Variants in EML6 observed in about 807,000 individuals in gnomAD.
EML6 encodes the protein echinoderm microtubule-associated protein-like 6.
A neutral mutation model predicts 240.1 loss-of-function variants in EML6; 154 were observed. That is an observed-to-expected ratio of 0.64 (90% confidence interval 0.56 to 0.73). The LOEUF is 0.73. Ranked by LOEUF, EML6 falls within the 30% of genes least tolerant of loss-of-function variation. The probability of loss-of-function intolerance (pLI) is 0.00; values close to 1 mark genes in which losing one functional copy is unlikely to be tolerated. For missense variants in EML6, 2,964 were observed against 2,474.6 expected (o/e 1.20, Z -4.20); for synonymous variants, 1,148 against 899.0 (o/e 1.28, Z -4.95).
intron 2 of EML6, among the ~76,000 whole-genome samples, chr2:54,808,008 C>T (rs1027017542): frequency 6.6e-6 from 1 of 152,234 alleles, no homozygotes; most frequent in African/African-American, 2.4e-5. Flanking sequence ...CACCACTCAT[C>T]AAGCTTGTTA....
intron 30 of EML6, 51 bp from the exon 31 acceptor site, chr2:54,952,543 A>T: frequency 7.9e-7 from 1 of 1,262,680 alleles, no homozygotes. Context: ...AAGTTGCCCT[A>T]AAAGGTCTTT....
Position 54,891,040 on chromosome 2 carries a change from T to C in EML6, c.2439-14T>C, listed in dbSNP as rs1263859497. ...ATCCAAACTAGAATCTTATTTCCTA[T>C]TTGTCTCTTACAGAGGACATAAAGA... On this transcript the variant is annotated splice_polypyrimidine_tract_variant and intron_variant, in intron 17 of 41. Coordinates refer to ENST00000356458, the MANE Select transcript of EML6 (RefSeq NM_001039753.4). 2.4e-6 allele frequency: 3 copies of C among 1,274,424 alleles called. No homozygotes were observed. The highest frequency in any genetic ancestry group is 3.3e-6 in the Non-Finnish European group (3 of 923,030). The allele number at this position is 1,274,424 out of a possible 1,614,324, so 78.9% of individuals were successfully genotyped here.
At chr2:54,909,018 C>G (rs1673498195) in intron 24 of EML6, among the ~76,000 whole-genome samples, 4 of 152,192 alleles carry the variant, frequency 2.6e-5, no homozygotes, top group Admixed American at 2.6e-4. Context: ...TCATAAATTA[C>G]TTCACTGAGA....
intron 6 of EML6, 75 bp from the exon 7 acceptor site, chr2:54,829,267 A>G (rs1668745479): frequency 7.2e-7 from 1 of 1,389,340 alleles, no homozygotes; most frequent in Admixed American, 2.5e-5. Flanking sequence ...ATGTTTTTAA[A>G]TCAACATTCA....
At chr2:54,936,760 A>G (rs575519384) in intron 28 of EML6, among the ~76,000 whole-genome samples, 10 of 152,316 alleles carry the variant, frequency 6.6e-5, no homozygotes, top group Non-Finnish European at 7.3e-5. Flanking sequence ...CATTATTTTT[A>G]TAACATTATT....
intron 35 of EML6, 50 bp downstream of exon 35, chr2:54,960,384 T>C: frequency 7.3e-7 from 1 of 1,368,906 alleles, no homozygotes; most frequent in South Asian, 1.2e-5. Flanking sequence ...GGGGGAAGTG[T>C]AGGTACCCTC....
At chr2:54,856,335 G>A (rs927362243) in intron 11 of EML6, among the ~76,000 whole-genome samples, 8 of 152,130 alleles carry the variant, frequency 5.3e-5, no homozygotes, top group African/African-American at 1.2e-4. Context: ...GCCTTGGTAC[G>A]CACCCCTACT....
Position 54,763,921 on chromosome 2 carries a change from G to C in EML6, c.197+38663G>C, listed in dbSNP as rs539333494. Among the ~76,000 whole-genome samples, 256 of 152,280 alleles carry C rather than the reference G, an allele frequency of 1.7e-3. 1 individual carries two copies. The highest frequency in any genetic ancestry group is 2.7e-3 in the Non-Finnish European group (184 of 68,026). ...AGGTTCAAGATCTCCAGCCCTGAAG[G>C]CCTCTCCAAACTCCGTTGGTTGTTC... On this transcript the variant is annotated intron_variant, in intron 2 of 41. Transcript: ENST00000356458.
At chr2:54,904,843 T>C (rs1222618808) in intron 24 of EML6, among the ~76,000 whole-genome samples, 1 of 152,100 alleles carries the variant, frequency 6.6e-6, no homozygotes, top group African/African-American at 2.4e-5. Context: ...GCCAAAAAGG[T>C]TATTTCAGAG....
rs117239151 is a variant in EML6 at position 54,912,833 on chromosome 2, A to G, written c.3498+1791A>G. On this transcript the variant is annotated intron_variant, in intron 25 of 41. Coordinates refer to ENST00000356458, the MANE Select transcript of EML6 (RefSeq NM_001039753.4). ...ACTGATGGGCATCTTGGTTGATTCC[A>G]TAGCTTTGCTATTGTGAATAGTGCT... 4.8e-4 allele frequency among the ~76,000 whole-genome samples: 73 copies of G among 152,336 alleles called. No homozygotes were observed. The East Asian group carries it at 0.012, about 24-fold the overall frequency.
chr2:54,836,227 A>G lies in EML6; in HGVS notation c.847+6750A>G, dbSNP rs553313738. On this transcript the variant is annotated intron_variant, in intron 7 of 41. Coordinates refer to ENST00000356458, the MANE Select transcript of EML6 (RefSeq NM_001039753.4). Reference sequence around the variant, plus strand: ...AGGGCTGCTGGCCTGGCTTGTAGTAATTCCTCTGTAAATAACTCTCCTTAG... The same window carrying G: ...AGGGCTGCTGGCCTGGCTTGTAGTAGTTCCTCTGTAAATAACTCTCCTTAG... Among the ~76,000 whole-genome samples, 500 of 152,182 alleles carry G rather than the reference A, an allele frequency of 3.3e-3. 5 individuals carry two copies. The highest frequency in any genetic ancestry group is 0.011 in the African/African-American group (465 of 41,500).
chr2:54,959,403 C>G (rs1676391676), intron 34 of EML6, 142 bp downstream of exon 34: 1 of 754,584 alleles, frequency 1.3e-6, no homozygotes, highest in Admixed American at 3.1e-5. Flanking sequence ...TGCTCTCTCT[C>G]CAAGAGGGCC....
At chr2:54,823,234 T>C (rs1345166127) in intron 5 of EML6, among the ~76,000 whole-genome samples, 1 of 152,070 alleles carries the variant, frequency 6.6e-6, no homozygotes, top group Non-Finnish European at 1.5e-5. Flanking sequence ...GCTAGAAGCA[T>C]GTTGTCAGGA....
At chr2:54,904,933 C>T (rs1032877012) in intron 24 of EML6, among the ~76,000 whole-genome samples, 9 of 152,174 alleles carry the variant, frequency 5.9e-5, no homozygotes, top group African/African-American at 2.2e-4. Flanking sequence ...CTATACTTGC[C>T]ACACTGGAAT....
At chr2:54,882,857 C>CAAAATAAAAAAAAAAAAAAAAAA (rs1671898681) in intron 17 of EML6, 1 of 15,846 alleles carries the variant, frequency 6.3e-5, no homozygotes, top group African/African-American at 1.6e-4. Context: ...GACTCCGTCT[C>CAAAATAAAAAAAAAAAAAAAAAA]AAAAAAAAAA....
chr2:54,889,446 T>G (rs1279766171), intron 17 of EML6, among the ~76,000 whole-genome samples: 1 of 79,502 alleles, frequency 1.3e-5, no homozygotes, highest in African/African-American at 4.7e-5. Flanking sequence ...ATAGTTCTGT[T>G]TTTTAAAGTC....
In EML6 at chr2:54,950,756, G is replaced by T; in HGVS notation, c.4190G>T (p.Gly1397Val). The stretch of plus-strand genomic sequence containing the variant: ...ATCATCTTCCACACAGCAGCGGCTG[G>T]CATCGTTCAGAACCTCTCCACAGGT... ...ADIIFHTAAAGIVQNLSTGSQ... is the reference protein window; with the variant it reads ...ADIIFHTAAAVIVQNLSTGSQ... The change falls in exon 30 of 42, where the codon GGC (glycine) becomes GTC (valine). Residue 1397 changes from glycine (G) to valine (V), a missense_variant. By Grantham distance (109) the Gly-to-Val change is moderately radical (BLOSUM62 -3). Coordinates refer to ENST00000356458, the MANE Select transcript of EML6 (RefSeq NM_001039753.4). 1 of 1,551,514 alleles carries T rather than the reference G, an allele frequency of 6.4e-7. No individual in the cohort carries two copies.
chr2:54,823,508 T>G lies in EML6; in HGVS notation c.525+3046T>G, dbSNP rs375470515. Among the ~76,000 whole-genome samples, 9 of 152,280 alleles carry G rather than the reference T, an allele frequency of 5.9e-5. No individual in the cohort carries two copies. In the East Asian group the frequency reaches 1.7e-3, roughly 29 times the overall value. Reference sequence around the variant, plus strand: ...GAAAGATGGCGGCCACAAAATAAACTAGCCAATAAATCACGGGTTCCTTAG... The same window carrying G: ...GAAAGATGGCGGCCACAAAATAAACGAGCCAATAAATCACGGGTTCCTTAG... On this transcript the variant is annotated intron_variant, in intron 5 of 41. Coordinates refer to ENST00000356458, the MANE Select transcript of EML6 (RefSeq NM_001039753.4).
At chr2:54,847,722 A>G (rs900392205) in intron 9 of EML6, 99 bp downstream of exon 9, 6 of 1,326,268 alleles carry the variant, frequency 4.5e-6, no homozygotes, top group Admixed American at 2.2e-5. Context: ...GGAAAAATCC[A>G]TTTAGCCATT....
Sources: allele counts gnomAD v4.1 joint callset (sites outside exome capture counted in the v4.1 genomes callset), GRCh38; gene constraint gnomAD v4.1.1; transcripts MANE v1.5; gene names NCBI Gene and HGNC (gene_info 2026-07-23, HGNC 2026-07-21).